Variants in TGM3 observed in about 807,000 individuals in gnomAD.
The protein encoded by TGM3 is transglutaminase 3, also known as protein-glutamine gamma-glutamyltransferase E.
TGM3 carries 52 observed loss-of-function variants against 73.8 expected under a neutral mutation model. That is an observed-to-expected ratio of 0.70 (90% CI 0.56 to 0.89). The LOEUF is 0.89. Among genes scored for constraint, TGM3 ranks in the 40% least tolerant of loss-of-function variants. TGM3 has a pLI of 0.00. For missense variants in TGM3, 928 were observed against 909.9 expected (o/e 1.02, Z -0.26); for synonymous variants, 372 against 354.9 (o/e 1.05, Z -0.54).
intron 1 of TGM3, among the ~76,000 whole-genome samples, chr20:2,304,345 C>T (rs2084166774): frequency 6.6e-6 from 1 of 152,174 alleles, no homozygotes; most frequent in African/African-American, 2.4e-5. Context: ...ACACTGGAAG[C>T]TTGATGAGCA....
Position 2,338,267 on chromosome 20 carries a change from A to G in TGM3, c.1801-1587A>G, listed in dbSNP as rs1007558481. Among the ~76,000 whole-genome samples the G allele has an allele frequency of 5.3e-5, 8 of 152,090 alleles. No individual in the cohort carries two copies. The South Asian group carries it at 1.7e-3, about 32-fold the overall frequency. On this transcript the variant is annotated intron_variant, in intron 11 of 12. Coordinates refer to ENST00000381458, the MANE Select transcript of TGM3 (RefSeq NM_003245.4). ...TTGATCCATCATCTGTGACAAGCAAACTCAGGTTTTTAGTGGCTTTTATCC... is the reference window on the plus strand; with the variant it reads ...TTGATCCATCATCTGTGACAAGCAAGCTCAGGTTTTTAGTGGCTTTTATCC...
At chr20:2,306,174 T>C (rs559852744) in intron 1 of TGM3, among the ~76,000 whole-genome samples, 7 of 152,188 alleles carry the variant, frequency 4.6e-5, no homozygotes, top group Non-Finnish European at 1.0e-4. Context: ...TGTGGGCCTG[T>C]TGGGAGAGGC....
rs1204362356 is a variant in TGM3 at position 2,308,432 on chromosome 20, T to G, written c.8-1225T>G. Among the ~76,000 whole-genome samples, 11 of 152,290 alleles carry G rather than the reference T, an allele frequency of 7.2e-5. No individual in the cohort carries two copies. In the East Asian group the frequency reaches 2.1e-3, roughly 29 times the overall value. ...CTCATAGGAAGATTTCCCAAAAAGT[T>G]TATATCAGCGAACACCTGGTACATC... On this transcript the variant is annotated intron_variant, in intron 1 of 12. Coordinates refer to ENST00000381458, the MANE Select transcript of TGM3 (RefSeq NM_003245.4).
Position 2,334,921 on chromosome 20 carries a change from T to C in TGM3, c.1643-195T>C, listed in dbSNP as rs214825. Among the ~76,000 whole-genome samples the C allele has an allele frequency of 0.96, 145,722 of 152,318 alleles. 69,771 individuals carry two copies. Among genetic ancestry groups the C allele is most frequent in the East Asian group, 1 (5,165 of 5,168 alleles). ...CAGCCAGAGAGAGTCCTGGGGCCTCTTTGCCCCCTGCTCTGGAGCCCACCC... is the reference window on the plus strand; with the variant it reads ...CAGCCAGAGAGAGTCCTGGGGCCTCCTTGCCCCCTGCTCTGGAGCCCACCC... On this transcript the variant is annotated intron_variant, in intron 10 of 12. Transcript: ENST00000381458. The surrounding 1 kb of genome is among the most constrained non-coding windows in gnomAD (Gnocchi z 4.0).
intron 1 of TGM3, among the ~76,000 whole-genome samples, chr20:2,297,514 C>T (rs780834457): frequency 6.6e-6 from 1 of 152,206 alleles, no homozygotes; most frequent in Non-Finnish European, 1.5e-5. Flanking sequence ...ATGTGCACCT[C>T]CCATCCCTGT....
At chr20:2,313,758 G>A (rs890989321) in intron 5 of TGM3, among the ~76,000 whole-genome samples, 3 of 152,196 alleles carry the variant, frequency 2.0e-5, no homozygotes, top group African/African-American at 7.2e-5. Flanking sequence ...TCTGGGCGTG[G>A]TGGCTCACGC....
At chr20:2,306,163 G>C (rs1368802773) in intron 1 of TGM3, among the ~76,000 whole-genome samples, 1 of 152,196 alleles carries the variant, frequency 6.6e-6, no homozygotes, top group Non-Finnish European at 1.5e-5. Context: ...GCAAAGAAGG[G>C]TGTGGGCCTG....
In TGM3 at chr20:2,314,040, T is replaced by C. The variant is rs141581706; in HGVS notation, c.669+1014T>C. Among the ~76,000 whole-genome samples, 805 of 152,080 alleles carry C rather than the reference T, an allele frequency of 5.3e-3. 5 individuals are homozygous for C. The highest frequency in any genetic ancestry group is 0.018 in the African/African-American group (752 of 41,504). On this transcript the variant is annotated intron_variant, in intron 5 of 12. Coordinates refer to ENST00000381458, the MANE Select transcript of TGM3 (RefSeq NM_003245.4). ...AAAAAATTAGCAGGGCATGGTAGCA[T>C]GTGACAGTAGTCCCAGCTACTTGGG...
At chr20:2,335,049 G>T in intron 10 of TGM3, 67 bp from the exon 11 acceptor site, 1 of 1,590,686 alleles carries the variant, frequency 6.3e-7, no homozygotes, top group South Asian at 1.1e-5. Flanking sequence ...CTTGGCATCT[G>T]TTCTGAGGAA....
At chr20:2,307,044 T>G (rs2084179774) in intron 1 of TGM3, among the ~76,000 whole-genome samples, 1 of 152,142 alleles carries the variant, frequency 6.6e-6, no homozygotes, top group Non-Finnish European at 1.5e-5. Flanking sequence ...CTCCCTTATT[T>G]CTTCCCTTCA....
At chr20:2,327,206 C>T (rs1036615168) in intron 8 of TGM3, among the ~76,000 whole-genome samples, 3 of 152,072 alleles carry the variant, frequency 2.0e-5, no homozygotes, top group Non-Finnish European at 2.9e-5. Flanking sequence ...CGCAGTGGCT[C>T]ACGCCTGTAA....
chr20:2,332,323 G>T lies in TGM3; in HGVS notation c.1642+13G>T. The T allele has an allele frequency of 1.9e-6, 3 of 1,560,478 alleles. No homozygotes were observed. The highest frequency in any genetic ancestry group is 1.2e-5 in the South Asian group (1 of 81,730). On this transcript the variant is annotated intron_variant, in intron 10 of 12. Transcript: ENST00000381458. This position sits in a 1 kb window ranked among gnomAD's most constrained non-coding sequence, Gnocchi z 4.4. ...GACCCTGAGGAAGGTAACGCATCCC[G>T]CAGTTGGAGGAGATCCACGAATCCG...
chr20:2,331,977 G>T (rs749730354), intron 9 of TGM3, 25 bp from the exon 10 acceptor site: 35 of 1,574,560 alleles, frequency 2.2e-5, no homozygotes, highest in Admixed American at 5.3e-5. Context: ...TCCCTGGCAT[G>T]TTTCTGTCTT....
chr20:2,331,714 A>G (rs1366716169), intron 9 of TGM3, among the ~76,000 whole-genome samples: 1 of 152,202 alleles, frequency 6.6e-6, no homozygotes, highest in Non-Finnish European at 1.5e-5. Context: ...AATCTAACCT[A>G]ATTAACGCAA....
chr20:2,305,059 C>G (rs214793), intron 1 of TGM3, among the ~76,000 whole-genome samples: 2 of 152,060 alleles, frequency 1.3e-5, no homozygotes, highest in Non-Finnish European at 1.5e-5. Flanking sequence ...CCCATGCCCC[C>G]CTCCCAGCAC....
At chr20:2,315,215 G>A (rs937628555) in intron 5 of TGM3, among the ~76,000 whole-genome samples, 27 of 152,328 alleles carry the variant, frequency 1.8e-4, no homozygotes, top group African/African-American at 5.5e-4. Flanking sequence ...CCACTTTATC[G>A]TGGAGCCAAT....
rs201739042 is a variant in TGM3, at chr20:2,317,341, G to T, written c.848-9G>T. ...CCACCTGAGTCCTCACGCCCACCCT[G>T]ACTTGCAGCGCTGCGGTCTTTGGGG... On this transcript the variant is annotated splice_polypyrimidine_tract_variant and intron_variant, in intron 6 of 12. Coordinates refer to ENST00000381458, the MANE Select transcript of TGM3 (RefSeq NM_003245.4). 4 of 1,614,058 alleles carry T rather than the reference G, an allele frequency of 2.5e-6. No homozygotes were observed. Among genetic ancestry groups the T allele is most frequent in the Non-Finnish European group, 3.4e-6 (4 of 1,180,028 alleles).
rs4097062 is a variant in TGM3, at chr20:2,339,848, C to G, written c.1801-6C>G. 9.3e-6 allele frequency: 15 copies of G among 1,613,926 alleles called. No individual in the cohort carries two copies. The highest frequency in any genetic ancestry group is 4.4e-5 in the South Asian group (4 of 91,078). On this transcript the variant is annotated splice_polypyrimidine_tract_variant and splice_region_variant and intron_variant, in intron 11 of 12. Transcript: ENST00000381458. ...GTCCTGACTCGGCAGCCCCTCTCCCCCATAGGTGCTGAACGAGGCTCGTGT... is the reference window on the plus strand; with the variant it reads ...GTCCTGACTCGGCAGCCCCTCTCCCGCATAGGTGCTGAACGAGGCTCGTGT...
chr20:2,320,683 A>G (rs1158155109), intron 7 of TGM3, among the ~76,000 whole-genome samples: 2 of 151,814 alleles, frequency 1.3e-5, no homozygotes. Flanking sequence ...CGGAGTATTC[A>G]CTCTCTTCAG....
Sources: allele counts gnomAD v4.1 joint callset (sites outside exome capture counted in the v4.1 genomes callset), GRCh38; gene constraint gnomAD v4.1.1; non-coding constraint Gnocchi (gnomAD v3.1); transcripts MANE v1.5; gene names NCBI Gene and HGNC (gene_info 2026-07-23, HGNC 2026-07-21).